Variants in ALK observed in about 807,000 individuals in gnomAD.
The protein encoded by ALK is ALK receptor tyrosine kinase.
In ALK, 74 loss-of-function variants were observed where a neutral mutation model predicts 163.1. The observed-to-expected ratio is 0.45, with a 90% confidence interval of 0.38 to 0.55. ALK has a LOEUF of 0.55. Among genes scored for constraint, ALK ranks in the 20% least tolerant of loss-of-function variants. ALK has a pLI of 0.00. For missense variants in ALK, 2,063 were observed against 2,105.3 expected, an observed-to-expected ratio of 0.98 and a Z score of 0.39; for synonymous variants, 960 against 843.2, an observed-to-expected ratio of 1.14 and a Z score of -2.40.
intron 11 of ALK, among the ~76,000 whole-genome samples, chr2:29,258,345 T>C (rs56003429): frequency 0.031 from 4,754 of 152,350 alleles, 252 homozygotes; most frequent in African/African-American, 0.11. Flanking sequence ...TTAGCACTTA[T>C]CAAACAAAGC....
chr2:29,446,524 T>A (rs1332158398), intron 4 of ALK, among the ~76,000 whole-genome samples: 2 of 152,200 alleles, frequency 1.3e-5, no homozygotes, highest in Non-Finnish European at 2.9e-5. Flanking sequence ...GTTCTCAGAC[T>A]TTACTGTGTC....
intron 4 of ALK, among the ~76,000 whole-genome samples, chr2:29,433,470 C>T (rs1158169017): frequency 6.6e-6 from 1 of 152,192 alleles, no homozygotes; most frequent in Non-Finnish European, 1.5e-5. Context: ...CAAGTGCTTA[C>T]CTCGAGGCCT....
At chr2:29,580,448 T>A (rs1230307192) in intron 3 of ALK, among the ~76,000 whole-genome samples, 1 of 152,196 alleles carries the variant, frequency 6.6e-6, no homozygotes, top group Non-Finnish European at 1.5e-5. Context: ...AGCAACCTTA[T>A]AACCAAAGCG....
intron 1 of ALK, among the ~76,000 whole-genome samples, chr2:29,760,535 A>C (rs1300699478): frequency 6.6e-6 from 1 of 152,152 alleles, no homozygotes; most frequent in Admixed American, 6.6e-5. Context: ...CACCCTTCCC[A>C]GGGATGTTTC....
At chr2:29,575,874 G>A (rs1378722876) in intron 3 of ALK, among the ~76,000 whole-genome samples, 1 of 152,154 alleles carries the variant, frequency 6.6e-6, no homozygotes, top group Admixed American at 6.5e-5. Context: ...GGAGTCCAGG[G>A]GGCTTTGCAG....
At chr2:29,683,453 A>C (rs1034103892) in intron 3 of ALK, among the ~76,000 whole-genome samples, 2 of 152,158 alleles carry the variant, frequency 1.3e-5, no homozygotes, top group Non-Finnish European at 2.9e-5. Flanking sequence ...ATCCCAAAGC[A>C]AGATGTAGAA....
In ALK at chr2:29,415,776, G is replaced by A. The variant is rs1375628118; in HGVS notation, c.1155-31917C>T. Among the ~76,000 whole-genome samples the A allele has an allele frequency of 2.6e-5, 4 of 152,210 alleles. No individual in the cohort carries two copies. In the East Asian group the frequency reaches 5.8e-4, roughly 22 times the overall value. ...CAATGTGGGCGGGCATCTCCTAATCGTTGACTGCCTGAATAAAACAAAAAG... is the reference window on the plus strand; with the variant it reads ...CAATGTGGGCGGGCATCTCCTAATCATTGACTGCCTGAATAAAACAAAAAG... On this transcript the variant is annotated intron_variant, in intron 4 of 28. Transcript: ENST00000389048.
chr2:29,565,386 C>G (rs1463585241), intron 3 of ALK, among the ~76,000 whole-genome samples: 2 of 152,140 alleles, frequency 1.3e-5, no homozygotes, highest in African/African-American at 4.8e-5. Flanking sequence ...ATCCCAAGAC[C>G]CTGCTTAGTG....
At chr2:29,651,332 C>T (rs1204623928) in intron 3 of ALK, among the ~76,000 whole-genome samples, 5 of 152,088 alleles carry the variant, frequency 3.3e-5, no homozygotes, top group Non-Finnish European at 5.9e-5. Flanking sequence ...GTAAGAGAAC[C>T]ATAAATTATG....
intron 23 of ALK, among the ~76,000 whole-genome samples, chr2:29,218,121 T>A (rs56834342): frequency 0.013 from 2,047 of 152,210 alleles, 36 homozygotes; most frequent in African/African-American, 0.046. Context: ...AGGGCCACAA[T>A]TGGACATTTG....
intron 4 of ALK, among the ~76,000 whole-genome samples, chr2:29,412,694 A>C (rs1373350560): frequency 2.0e-5 from 3 of 152,198 alleles, no homozygotes; most frequent in African/African-American, 7.2e-5. Flanking sequence ...TCACTTTCAT[A>C]TTATGTGATG....
intron 1 of ALK, among the ~76,000 whole-genome samples, chr2:29,804,726 T>C (rs1664565598): frequency 6.6e-6 from 1 of 152,212 alleles, no homozygotes; most frequent in African/African-American, 2.4e-5. Context: ...TCTCTGTTTC[T>C]TAGACCCATG....
intron 4 of ALK, among the ~76,000 whole-genome samples, chr2:29,443,662 G>C (rs985982673): frequency 3.2e-4 from 48 of 152,284 alleles, no homozygotes; most frequent in African/African-American, 1.1e-3. Flanking sequence ...TTGGAAAGGG[G>C]CTAGTCTCCT....
At chr2:29,271,783 C>A (rs554251361) in intron 11 of ALK, among the ~76,000 whole-genome samples, 1 of 152,330 alleles carries the variant, frequency 6.6e-6, no homozygotes, top group East Asian at 1.9e-4. Flanking sequence ...TTTATCCCCC[C>A]TTTGGCGAGA....
chr2:29,906,988 C>T (rs930331714), intron 1 of ALK: 16 of 136,114 alleles, frequency 1.2e-4, no homozygotes, highest in Non-Finnish European at 2.0e-4. Context: ...CTTGCTCTGT[C>T]GCCCATGCTG....
intron 3 of ALK, among the ~76,000 whole-genome samples, chr2:29,630,175 G>T (rs1180558766): frequency 6.6e-6 from 1 of 152,136 alleles, no homozygotes; most frequent in Admixed American, 6.5e-5. Context: ...CACTTGATTG[G>T]AGAACAACAG....
chr2:29,581,600 A>AGT (rs1206522890), intron 3 of ALK, among the ~76,000 whole-genome samples: 2 of 152,074 alleles, frequency 1.3e-5, no homozygotes, highest in African/African-American at 4.8e-5. Flanking sequence ...GGGAAGGTGA[A>AGT]GTGTGGCCTG....
intron 1 of ALK, among the ~76,000 whole-genome samples, chr2:29,788,632 G>A (rs1664106486): frequency 6.6e-6 from 1 of 152,158 alleles, no homozygotes; most frequent in Non-Finnish European, 1.5e-5. Flanking sequence ...ATAGCAAAGA[G>A]ACTCAAAGAA....
intron 6 of ALK, among the ~76,000 whole-genome samples, chr2:29,327,145 C>T (rs778355876): frequency 3.0e-4 from 46 of 152,182 alleles, no homozygotes; most frequent in African/African-American, 4.8e-4. Context: ...GAGGCAGCTG[C>T]GGGGAGCACC....
Sources: allele counts gnomAD v4.1 joint callset (sites outside exome capture counted in the v4.1 genomes callset), GRCh38; gene constraint gnomAD v4.1.1; transcripts MANE v1.5; gene names NCBI Gene and HGNC (gene_info 2026-07-23, HGNC 2026-07-21).